The following FOXJ3 variants were observed in gnomAD, a reference collection of about 807,000 sequenced individuals.
FOXJ3 encodes the protein forkhead box protein J3.
A neutral mutation model predicts 76.1 loss-of-function variants in FOXJ3; 22 were observed. That is an observed-to-expected ratio of 0.29 (90% CI 0.21 to 0.41). The LOEUF is 0.41. Ranked by LOEUF, FOXJ3 falls within the 10% of genes least tolerant of loss-of-function variation. The pLI is 1.00. For synonymous variants in FOXJ3, 269 were observed against 261.2 expected (o/e 1.03, Z -0.29); for missense variants, 613 against 762.1 (o/e 0.80, Z 2.30).
intron 4 of FOXJ3, among the ~76,000 whole-genome samples, chr1:42,258,929 G>T (rs1216847063): frequency 1.3e-5 from 2 of 152,160 alleles, no homozygotes; most frequent in African/African-American, 4.8e-5. Flanking sequence ...CTACTTGAGT[G>T]TTATAGCTCA....
chr1:42,274,524 T>C (rs1201828997), intron 3 of FOXJ3, among the ~76,000 whole-genome samples: 1 of 152,204 alleles, frequency 6.6e-6, no homozygotes, highest in Non-Finnish European at 1.5e-5. Flanking sequence ...CCTGACTCTA[T>C]CATTCTCTAG....
At chr1:42,310,200 G>A (rs1380234351) in intron 2 of FOXJ3, among the ~76,000 whole-genome samples, 1 of 150,214 alleles carries the variant, frequency 6.7e-6, no homozygotes, top group Admixed American at 6.6e-5. Flanking sequence ...AGGATGGAGT[G>A]CAATGGCAGA....
At chr1:42,327,619 CA>C (rs1273380099) in intron 1 of FOXJ3, among the ~76,000 whole-genome samples, 1 of 152,012 alleles carries the variant, frequency 6.6e-6, no homozygotes, top group Admixed American at 6.5e-5. Context: ...ATTCCTCTCA[CA>C]AATCTGTTTC....
chr1:42,297,195 G>C (rs1327626241), intron 2 of FOXJ3, among the ~76,000 whole-genome samples: 2 of 152,116 alleles, frequency 1.3e-5, no homozygotes, highest in Non-Finnish European at 2.9e-5. Context: ...GGAGTCTTTA[G>C]ACTTTTCTAA....
chr1:42,237,884 T>C (rs1335743388), intron 4 of FOXJ3, among the ~76,000 whole-genome samples: 1 of 149,972 alleles, frequency 6.7e-6, no homozygotes, highest in Non-Finnish European at 1.5e-5. Flanking sequence ...ATTTCCCTAC[T>C]GAATTACATT....
At chr1:42,204,695 A>T (rs1196950058) in intron 6 of FOXJ3, among the ~76,000 whole-genome samples, 1 of 151,730 alleles carries the variant, frequency 6.6e-6, no homozygotes, top group Non-Finnish European at 1.5e-5. Flanking sequence ...TACCACCACT[A>T]CCACCACCCC....
At chr1:42,186,763 T>G (rs1048255539) in intron 11 of FOXJ3, among the ~76,000 whole-genome samples, 1 of 152,158 alleles carries the variant, frequency 6.6e-6, no homozygotes, top group Non-Finnish European at 1.5e-5. Flanking sequence ...CACATAGACC[T>G]TTCTTACAGA....
chr1:42,291,241 T>A (rs1319372523), intron 2 of FOXJ3, among the ~76,000 whole-genome samples: 1 of 152,050 alleles, frequency 6.6e-6, no homozygotes, highest in Non-Finnish European at 1.5e-5. Flanking sequence ...ACATCATACA[T>A]AAAAATCTGA....
At chr1:42,258,625 C>T (rs1230688459) in intron 4 of FOXJ3, among the ~76,000 whole-genome samples, 2 of 152,088 alleles carry the variant, frequency 1.3e-5, no homozygotes, top group Admixed American at 6.5e-5. Context: ...ATACATTGAT[C>T]ATCAAATTAA....
chr1:42,239,865 C>A (rs995618040), intron 4 of FOXJ3, among the ~76,000 whole-genome samples: 34 of 152,138 alleles, frequency 2.2e-4, no homozygotes, highest in Admixed American at 1.3e-4. Context: ...TATTCCCTTG[C>A]AAGCTAAATG....
intron 1 of FOXJ3, among the ~76,000 whole-genome samples, chr1:42,331,367 G>A (rs902065150): frequency 1.3e-5 from 2 of 152,050 alleles, no homozygotes; most frequent in African/African-American, 4.8e-5. Flanking sequence ...AGGCGACAGA[G>A]AGAAACTCTG....
chr1:42,227,846 A>G, intron 5 of FOXJ3, 37 bp downstream of exon 5: 1 of 1,139,214 alleles, frequency 8.8e-7, no homozygotes, highest in South Asian at 1.6e-5. Context: ...AGACATATTC[A>G]ATGCATTACA....
chr1:42,266,659 C>T (rs1401956935), intron 3 of FOXJ3, among the ~76,000 whole-genome samples: 1 of 152,062 alleles, frequency 6.6e-6, no homozygotes, highest in Admixed American at 6.6e-5. Context: ...ACCATGTGTT[C>T]CTAAGAAAAA....
intron 7 of FOXJ3, among the ~76,000 whole-genome samples, chr1:42,195,894 G>T (rs1646641508): frequency 6.6e-6 from 1 of 152,244 alleles, no homozygotes; most frequent in Non-Finnish European, 1.5e-5. Flanking sequence ...CCTAAACCTT[G>T]GTGGAACACC....
chr1:42,185,884 G>A (rs1646425475), intron 11 of FOXJ3, among the ~76,000 whole-genome samples: 1 of 152,100 alleles, frequency 6.6e-6, no homozygotes, highest in African/African-American at 2.4e-5. Flanking sequence ...TCATGGAGGT[G>A]TTTACCAAGC....
intron 7 of FOXJ3, among the ~76,000 whole-genome samples, chr1:42,198,008 T>C (rs900397762): frequency 5.3e-5 from 8 of 152,146 alleles, no homozygotes; most frequent in Non-Finnish European, 1.2e-4. Context: ...AATCCAATGT[T>C]TGGTTAAGTC....
chr1:42,242,317 A>C (rs1243755076), intron 4 of FOXJ3, among the ~76,000 whole-genome samples: 1 of 152,102 alleles, frequency 6.6e-6, no homozygotes, highest in Non-Finnish European at 1.5e-5. Flanking sequence ...AATATTAAAG[A>C]AGCTCAGTGA....
intron 4 of FOXJ3, among the ~76,000 whole-genome samples, chr1:42,261,064 C>CTTTT (rs1198741380): frequency 2.0e-5 from 3 of 152,156 alleles, no homozygotes; most frequent in Non-Finnish European, 2.9e-5. Flanking sequence ...AAAGGTTAAG[C>CTTTT]TGAAAAGCAG....
chr1:42,178,490 AAAAG>A lies in FOXJ3; in HGVS notation c.*1216_*1219del. 1 of 152,284 alleles carries A rather than the reference AAAAG, an allele frequency of 6.6e-6. No homozygotes were observed. The highest frequency in any genetic ancestry group is 2.1e-4 in the South Asian group (1 of 4,830). 9.4% of individuals were successfully genotyped at this position (152,284 alleles called of 1,614,324 possible). A position where few individuals can be genotyped will look rare whatever the true frequency, so the allele number is the denominator to read the frequency against. ...GTCTTATCTGTAAATTCTTATCAAGAAAAGTAACGCTGGGCCAGGCGCAGTGGCT... is the reference window on the plus strand; with the variant it reads ...GTCTTATCTGTAAATTCTTATCAAGATAACGCTGGGCCAGGCGCAGTGGCT... On this transcript the variant is annotated 3_prime_UTR_variant, in exon 13 of 13. Coordinates refer to ENST00000361346, the MANE Select transcript of FOXJ3 (RefSeq NM_014947.5).
Sources: gnomAD v4.1 joint callset for allele counts (sites outside exome capture counted in the v4.1 genomes callset) on GRCh38, gnomAD v4.1.1 for gene constraint, MANE v1.5 for transcripts, NCBI Gene and HGNC (gene_info 2026-07-23, HGNC 2026-07-21) for gene names.